Variants in AKR1B10 observed in about 807,000 individuals in gnomAD.
AKR1B10 encodes the protein aldo-keto reductase family 1 member B10.
Under a neutral mutation model 38.9 loss-of-function variants are expected in AKR1B10, and 39 were observed. The ratio of observed to expected loss-of-function variants is 1.00; its 90% CI spans 0.78 to 1.31. AKR1B10 has a LOEUF of 1.31. Among genes scored for constraint, AKR1B10 ranks in the 50% most tolerant of loss-of-function variants. The pLI, the probability that AKR1B10 is intolerant of heterozygous loss-of-function variation, is 0.00. For synonymous variants in AKR1B10, 148 were observed against 141.2 expected (o/e 1.05, Z -0.34); for missense variants, 361 against 382.6 (o/e 0.94, Z 0.47).
chr7:134,538,952 G>A lies in AKR1B10; in HGVS notation c.843G>A (p.Leu281=). The part of the protein sequence containing the change: ...VENIQVFDFK[L]SDEEMATILS... ...CTTTCCAGGTCTTTGACTTTAAATT[G>A]AGTGATGAGGAGATGGCAACCATAC... is the stretch of plus-strand genomic sequence containing the variant. The change falls in exon 9 of 10, where the codon TTG becomes TTA. Residue 281 remains leucine (L), a synonymous_variant. Transcript: ENST00000359579. 1.2e-6 allele frequency: 2 copies of A among 1,614,050 alleles called. No homozygotes were observed. Among genetic ancestry groups the A allele is most frequent in the Non-Finnish European group, 1.7e-6 (2 of 1,179,976 alleles).
intron 4 of AKR1B10, among the ~76,000 whole-genome samples, chr7:134,533,588 T>C (rs2117543784): frequency 6.6e-6 from 1 of 152,324 alleles, no homozygotes; most frequent in East Asian, 1.9e-4. Flanking sequence ...CATTTATAAA[T>C]AATGACATTT....
intron 4 of AKR1B10, among the ~76,000 whole-genome samples, chr7:134,534,294 G>A (rs1016472194): frequency 6.6e-6 from 1 of 151,992 alleles, no homozygotes; most frequent in African/African-American, 2.4e-5. Flanking sequence ...GCTAATTTTT[G>A]TATTTTTAGT....
At chr7:134,528,192 C>G (rs1807744128) in intron 1 of AKR1B10, among the ~76,000 whole-genome samples, 1 of 152,222 alleles carries the variant, frequency 6.6e-6, no homozygotes, top group African/African-American at 2.4e-5. Context: ...GAGAGCTTCT[C>G]TAGCAAGTAT....
At chr7:134,534,551 A>G (rs1244989564) in intron 4 of AKR1B10, among the ~76,000 whole-genome samples, 4 of 152,246 alleles carry the variant, frequency 2.6e-5, no homozygotes, top group Non-Finnish European at 2.9e-5. Flanking sequence ...ACTGCTAAAT[A>G]AAACATTTGA....
rs1263769081 is a variant in AKR1B10 at position 134,531,901 on chromosome 7, T to C, written c.235-7T>C. 5 of 1,614,030 alleles carry C rather than the reference T, an allele frequency of 3.1e-6. No individual in the cohort carries two copies. Among genetic ancestry groups the C allele is most frequent in the Non-Finnish European group, 4.2e-6 (5 of 1,179,934 alleles). On this transcript the variant is annotated splice_region_variant and splice_polypyrimidine_tract_variant and intron_variant, in intron 2 of 9. Coordinates refer to ENST00000359579, the MANE Select transcript of AKR1B10 (RefSeq NM_020299.5). Reference sequence around the variant, plus strand: ...GTATTAATAGCTCATTGCTACACTCTTTGCAGTTGTGGCCCACTTTCTTTG... The same window carrying C: ...GTATTAATAGCTCATTGCTACACTCCTTGCAGTTGTGGCCCACTTTCTTTG...
chr7:134,528,457 C>T (rs1156984965), intron 1 of AKR1B10, among the ~76,000 whole-genome samples: 3 of 152,142 alleles, frequency 2.0e-5, no homozygotes, highest in African/African-American at 7.2e-5. Context: ...GGTGTGGTGG[C>T]TTATCCCTGT....
In AKR1B10 at chr7:134,527,891, A is replaced by G; in HGVS notation, c.-21A>G. The G allele has an allele frequency of 6.2e-7, 1 of 1,612,756 alleles. No homozygotes were observed. The highest frequency in any genetic ancestry group is 2.2e-5 in the East Asian group (1 of 44,850). ...ACGTGAGACTTCTACCTGCTCACTC[A>G]GAATCATTTCTGCACCAACCATGGC... On this transcript the variant is annotated 5_prime_UTR_variant, in exon 1 of 10. Coordinates refer to ENST00000359579, the MANE Select transcript of AKR1B10 (RefSeq NM_020299.5).
At chr7:134,538,736 C>T (rs1409284175) in intron 8 of AKR1B10, among the ~76,000 whole-genome samples, 199 bp from the exon 9 acceptor site, 2 of 152,216 alleles carry the variant, frequency 1.3e-5, no homozygotes, top group Non-Finnish European at 2.9e-5. Context: ...CCCCAGAACA[C>T]TGAGCACTAC....
intron 2 of AKR1B10, 96 bp downstream of exon 2, chr7:134,530,906 T>C: frequency 3.4e-6 from 5 of 1,468,806 alleles, no homozygotes; most frequent in Non-Finnish European, 3.7e-6. Flanking sequence ...CTTTTCTACA[T>C]GTACCCCTTT....
chr7:134,533,228 C>A (rs1432866662), intron 4 of AKR1B10, 147 bp downstream of exon 4: 8 of 662,540 alleles, frequency 1.2e-5, no homozygotes, highest in Admixed American at 3.5e-5. Context: ...TTCCTCATCA[C>A]CTTTGGCTTT....
intron 1 of AKR1B10, 143 bp downstream of exon 1, chr7:134,528,120 C>T (rs1807738040): frequency 1.8e-6 from 2 of 1,115,940 alleles, no homozygotes; most frequent in Non-Finnish European, 2.6e-6. Flanking sequence ...ACTTAGGTTG[C>T]TTTCTTTTCT....
At chr7:134,531,561 A>G (rs1403436389) in intron 2 of AKR1B10, among the ~76,000 whole-genome samples, 1 of 152,178 alleles carries the variant, frequency 6.6e-6, no homozygotes, top group African/African-American at 2.4e-5. Flanking sequence ...AATGCTTGAC[A>G]TTTAAAAGCT....
chr7:134,541,008 C>G (rs753187470), intron 9 of AKR1B10, 39 bp from the exon 10 acceptor site: 1 of 1,434,794 alleles, frequency 7.0e-7, no homozygotes, highest in Admixed American at 1.7e-5. Context: ...TTTGATGGAA[C>G]TCAGTTTCTC....
intron 8 of AKR1B10, 51 bp downstream of exon 8, chr7:134,538,328 G>A (rs1562931968): frequency 1.3e-6 from 2 of 1,535,760 alleles, no homozygotes; most frequent in Non-Finnish European, 1.8e-6. Context: ...GTGGGGGACA[G>A]GCAGACCTTC....
Position 134,538,070 on chromosome 7 carries a change from C to T in AKR1B10, c.742-124C>T, listed in dbSNP as rs1240897679. On this transcript the variant is annotated intron_variant, in intron 7 of 9. Transcript: ENST00000359579. ...GCACAAGTCTAATAGCTGTGAAGGG[C>T]TCAGTAATTATTAGCGATTGTACCT... 7 of 918,154 alleles carry T rather than the reference C, an allele frequency of 7.6e-6. No individual in the cohort carries two copies. The East Asian group carries it at 1.7e-4, about 22-fold the overall frequency. The allele number at this position is 918,154 out of a possible 1,614,324, so 56.9% of individuals were successfully genotyped here.
At chr7:134,538,411 C>G (rs543456170) in intron 8 of AKR1B10, 134 bp downstream of exon 8, 5 of 903,462 alleles carry the variant, frequency 5.5e-6, no homozygotes, top group Admixed American at 2.3e-5. Context: ...CATTTTCCAG[C>G]CCAGGGAGCT....
chr7:134,530,702 C>CATTGACTGTGCCTATGTCTATCAG lies in AKR1B10; in HGVS notation c.128_151dup (p.Ile43_Gln50dup). The stretch of plus-strand genomic sequence containing the variant: ...TGGCCATTGATGCAGGATATCGGCA[C>CATTGACTGTGCCTATGTCTATCAG]ATTGACTGTGCCTATGTCTATCAGA... On this transcript the variant is annotated inframe_insertion, in exon 2 of 10. Transcript: ENST00000359579. The CATTGACTGTGCCTATGTCTATCAG allele has an allele frequency of 6.2e-7, 1 of 1,614,120 alleles. No individual in the cohort carries two copies. The highest frequency in any genetic ancestry group is 8.5e-7 in the Non-Finnish European group (1 of 1,179,990).
chr7:134,535,567 T>G, intron 4 of AKR1B10: 20 of 969,120 alleles, frequency 2.1e-5, no homozygotes, highest in South Asian at 4.8e-5. Context: ...ATGCTCATGT[T>G]TTTTCCCTCT....
chr7:134,531,770 T>G, intron 2 of AKR1B10, 138 bp from the exon 3 acceptor site: 2 of 927,348 alleles, frequency 2.2e-6, no homozygotes, highest in South Asian at 3.0e-5. Flanking sequence ...CCACACTGTG[T>G]CGTGGATCTT....
Sources: allele counts gnomAD v4.1 joint callset (sites outside exome capture counted in the v4.1 genomes callset), GRCh38; gene constraint gnomAD v4.1.1; transcripts MANE v1.5; gene names NCBI Gene and HGNC (gene_info 2026-07-23, HGNC 2026-07-21).